The following MRPL3 variants were observed in gnomAD, a reference collection of about 807,000 sequenced individuals.
MRPL3 encodes mitochondrial ribosomal protein L3, also known as large ribosomal subunit protein uL3m.
MRPL3 carries 43 observed loss-of-function variants against 44.3 expected under a neutral mutation model. The observed-to-expected ratio is 0.97, with a 90% CI of 0.76 to 1.25. The LOEUF (loss-of-function observed/expected upper bound fraction) is 1.25, where lower values mean the gene tolerates loss of function less well. MRPL3 is among the 50% of genes most tolerant of loss of function. MRPL3 has a pLI of 0.00. For missense variants in MRPL3, 406 were observed against 427.6 expected, an observed-to-expected ratio of 0.95 and a Z score of 0.45; for synonymous variants, 171 against 152.3, an observed-to-expected ratio of 1.12 and a Z score of -0.91.
At chr3:131,470,600 C>A (rs1391104074) in intron 7 of MRPL3, among the ~76,000 whole-genome samples, 2 of 151,344 alleles carry the variant, frequency 1.3e-5, no homozygotes, top group Non-Finnish European at 2.9e-5. Flanking sequence ...CTACAATGTT[C>A]CAGTAGACAG....
intron 5 of MRPL3, among the ~76,000 whole-genome samples, chr3:131,489,342 A>G (rs1440122177): frequency 2.0e-5 from 3 of 152,118 alleles, no homozygotes; most frequent in African/African-American, 7.2e-5. Flanking sequence ...ATAAAAGCCT[A>G]CTGCAACTGT....
chr3:131,480,785 GC>G (rs35078713), intron 6 of MRPL3, among the ~76,000 whole-genome samples: 11 of 152,314 alleles, frequency 7.2e-5, no homozygotes, highest in African/African-American at 2.6e-4. Flanking sequence ...AAGCCATATT[GC>G]CATGAGCTAT....
intron 9 of MRPL3, among the ~76,000 whole-genome samples, chr3:131,465,058 G>A (rs1416686571): frequency 6.6e-6 from 1 of 152,204 alleles, no homozygotes; most frequent in Non-Finnish European, 1.5e-5. Flanking sequence ...ATACTTTAAG[G>A]TTACAAAAGA....
chr3:131,493,675 C>T (rs1366507816), intron 4 of MRPL3, among the ~76,000 whole-genome samples: 2 of 152,154 alleles, frequency 1.3e-5, no homozygotes, highest in Admixed American at 6.6e-5. Context: ...TCTTGGAACA[C>T]GACGTTACTG....
intron 6 of MRPL3, among the ~76,000 whole-genome samples, chr3:131,476,039 C>G (rs1487397719): frequency 6.6e-6 from 1 of 152,138 alleles, no homozygotes; most frequent in Non-Finnish European, 1.5e-5. Context: ...AAAAAGAGAG[C>G]ATGAGTGCAT....
intron 1 of MRPL3, among the ~76,000 whole-genome samples, chr3:131,502,196 C>A (rs1315245348): frequency 2.6e-5 from 4 of 152,134 alleles, no homozygotes; most frequent in East Asian, 1.9e-4. Flanking sequence ...GGTGAACATA[C>A]CAAGAAAGAC....
In MRPL3 at chr3:131,462,585, T is replaced by A. The variant is rs1933513319; in HGVS notation, c.*138A>T. 2.8e-6 allele frequency: 2 copies of A among 725,506 alleles called. No individual in the cohort carries two copies. The highest frequency in any genetic ancestry group is 3.6e-5 in the African/African-American group (2 of 55,668). 44.9% of individuals were successfully genotyped at this position (725,506 alleles called of 1,614,324 possible). On this transcript the variant is annotated 3_prime_UTR_variant, in exon 10 of 10. Coordinates refer to ENST00000264995, the MANE Select transcript of MRPL3 (RefSeq NM_007208.4). Reference sequence around the variant, plus strand: ...AAATTTAATGGGGGTATGAATGATATATTTATGCCCTTGACAAAGATGACA... The same window carrying A: ...AAATTTAATGGGGGTATGAATGATAAATTTATGCCCTTGACAAAGATGACA...
In MRPL3 at chr3:131,471,210, T is replaced by G. The variant is rs759586223; in HGVS notation, c.699A>C (p.Gln233His). The G allele has an allele frequency of 1.2e-6, 2 of 1,613,428 alleles. No homozygotes were observed. Among genetic ancestry groups the G allele is most frequent in the Non-Finnish European group, 1.7e-6 (2 of 1,179,544 alleles). ...GFKGQPATHG[Q>H]TKTHRRPGAV... ...CTCCAGGTCTCCTGTGGGTTTTCGT[T>G]TGACCATGCGTAGCAGGCTGGCCTT... Residue 233 changes from glutamine to histidine, a missense_variant, in exon 7 of 10, where the codon CAA (glutamine) becomes CAC (histidine). Physicochemically the swap from Gln to His is conservative, Grantham distance 24. Coordinates refer to ENST00000264995, the MANE Select transcript of MRPL3 (RefSeq NM_007208.4).
intron 6 of MRPL3, among the ~76,000 whole-genome samples, chr3:131,473,402 T>A (rs913600352): frequency 6.6e-6 from 1 of 151,326 alleles, no homozygotes; most frequent in African/African-American, 2.4e-5. Flanking sequence ...AAAAATCAAT[T>A]CAAAATGGAT....
At chr3:131,463,975 A>C (rs1255791102) in intron 9 of MRPL3, among the ~76,000 whole-genome samples, 1 of 152,164 alleles carries the variant, frequency 6.6e-6, no homozygotes, top group African/African-American at 2.4e-5. Flanking sequence ...CTTAGTACAG[A>C]AAAACAGATC....
chr3:131,467,055 T>C lies in MRPL3; in HGVS notation c.894+1036A>G, dbSNP rs557245465. Among the ~76,000 whole-genome samples, 4 of 152,192 alleles carry C rather than the reference T, an allele frequency of 2.6e-5. No homozygotes were observed. In the South Asian group the frequency reaches 8.3e-4, roughly 32 times the overall value. On this transcript the variant is annotated intron_variant, in intron 9 of 9. Transcript: ENST00000264995. ...TTCTCTACTTCTATGAAATCAACTT[T>C]TAGATTCTACATAAAAGTGAGATCA...
intron 4 of MRPL3, among the ~76,000 whole-genome samples, chr3:131,492,981 AG>A: frequency 6.6e-6 from 1 of 152,238 alleles, no homozygotes; most frequent in South Asian, 2.1e-4. Flanking sequence ...TTGACAAAAA[AG>A]TTATGCCACT....
intron 6 of MRPL3, among the ~76,000 whole-genome samples, chr3:131,475,047 G>A (rs1933825124): frequency 1.1e-4 from 17 of 152,028 alleles, no homozygotes; most frequent in Admixed American, 1.1e-3. Context: ...CTCCCAAAGT[G>A]TTGGGATTAC....
rs111388904 is a variant in MRPL3, at chr3:131,494,920, A to G, written c.468+3259T>C. Among the ~76,000 whole-genome samples, 345 of 152,262 alleles carry G rather than the reference A, an allele frequency of 2.3e-3. 3 individuals carry two copies. The highest frequency in any genetic ancestry group is 7.8e-3 in the African/African-American group (324 of 41,570). ...GTTGCATTCTTTTCCCCCACTTCAA[A>G]GTTCTCTGCAATTATCCTTCCCACA... On this transcript the variant is annotated intron_variant, in intron 4 of 9. Transcript: ENST00000264995.
chr3:131,462,501 C>A lies in MRPL3; in HGVS notation c.*222G>T, dbSNP rs1933511531. On this transcript the variant is annotated 3_prime_UTR_variant, in exon 10 of 10. Transcript: ENST00000264995. ...AATATTTTGCTAATATGCCCAACAC[C>A]AATTTCAGCAAATCCAATCTACTTA... 9 of 373,738 alleles carry A rather than the reference C, an allele frequency of 2.4e-5. No individual in the cohort carries two copies. The East Asian group carries it at 3.6e-4, about 15-fold the overall frequency. 23.2% of individuals were successfully genotyped at this position (373,738 alleles called of 1,614,324 possible). A position where few individuals can be genotyped will look rare whatever the true frequency, so the allele number is the denominator to read the frequency against.
intron 6 of MRPL3, among the ~76,000 whole-genome samples, chr3:131,483,508 G>A (rs1397181995): frequency 3.3e-5 from 5 of 152,054 alleles, no homozygotes; most frequent in Non-Finnish European, 7.4e-5. Flanking sequence ...AAATTAAAAT[G>A]AATTCTGGTA....
chr3:131,483,396 C>G (rs1363623019), intron 6 of MRPL3, among the ~76,000 whole-genome samples: 2 of 152,056 alleles, frequency 1.3e-5, no homozygotes, highest in Non-Finnish European at 2.9e-5. Context: ...TTCTGCTAGG[C>G]AGTTTTATTT....
intron 3 of MRPL3, among the ~76,000 whole-genome samples, chr3:131,500,192 T>TA (rs138952618): frequency 4.0e-5 from 6 of 151,884 alleles, no homozygotes; most frequent in East Asian, 3.9e-4. Flanking sequence ...AGGTTATACT[T>TA]AAAAAAAAAT....
intron 4 of MRPL3, 21 bp from the exon 5 acceptor site, chr3:131,490,101 ATAAG>A (rs372885369): frequency 1.7e-5 from 25 of 1,486,444 alleles, no homozygotes; most frequent in African/African-American, 1.7e-4. Context: ...AGCAGCACAT[ATAAG>A]TAATACATTG....
Sources: allele counts gnomAD v4.1 joint callset (sites outside exome capture counted in the v4.1 genomes callset), GRCh38; gene constraint gnomAD v4.1.1; transcripts MANE v1.5; gene names NCBI Gene and HGNC (gene_info 2026-07-23, HGNC 2026-07-21).